Variants in IL10RB observed in about 807,000 individuals in gnomAD.
IL10RB encodes the protein interleukin-10 receptor subunit beta.
IL10RB carries 30 observed loss-of-function variants against 38.7 expected under a neutral mutation model. That is an observed-to-expected ratio of 0.78 (90% CI 0.58 to 1.05). The LOEUF (loss-of-function observed/expected upper bound fraction) is 1.05. Ranked by LOEUF, IL10RB falls within the 50% of genes least tolerant of loss-of-function variation. IL10RB has a pLI of 0.00. For missense variants in IL10RB, 328 were observed against 397.1 expected, an observed-to-expected ratio of 0.83 and a Z score of 1.48; for synonymous variants, 142 against 145.9, an observed-to-expected ratio of 0.97 and a Z score of 0.19.
chr21:33,295,444 G>T (rs1034310287), intron 6 of IL10RB, among the ~76,000 whole-genome samples: 3 of 151,540 alleles, frequency 2.0e-5, no homozygotes, highest in Admixed American at 6.6e-5. Context: ...GGCTGAGACA[G>T]GTTGATCACC....
intron 6 of IL10RB, among the ~76,000 whole-genome samples, chr21:33,295,738 T>TAAA (rs1313039799): frequency 1.4e-5 from 2 of 142,316 alleles, no homozygotes; most frequent in East Asian, 4.2e-4. Context: ...AAAAATAAAA[T>TAAA]AAAAATAAAT....
At chr21:33,294,116 G>C in intron 6 of IL10RB, 3 of 466,144 alleles carry the variant, frequency 6.4e-6, no homozygotes, top group Non-Finnish European at 1.3e-5. Flanking sequence ...CTTGACCGTG[G>C]AGCCAGCCCC....
At chr21:33,277,949 A>G (rs1187006954) in intron 3 of IL10RB, among the ~76,000 whole-genome samples, 3 of 150,288 alleles carry the variant, frequency 2.0e-5, no homozygotes, top group African/African-American at 7.3e-5. Context: ...CTGGGATTAC[A>G]GACATGAACC....
exon 2 of IL10RB, chr21:33,309,082 C>G (rs1287092696): frequency 1.3e-5 from 2 of 152,244 alleles, no homozygotes; most frequent in African/African-American, 2.4e-5. Context: ...GTTGCCCTTG[C>G]ACGTTTGTGG....
At position 33,305,988 on chromosome 21, in the gene IL10RB, C is replaced by T. The variant is rs2082998097; in HGVS notation, c.130-2988C>T. On this transcript the variant is annotated intron_variant, in intron 1 of 1. Coordinates refer to the IL10RB transcript ENST00000609556. Reference sequence around the variant, plus strand: ...CTGGGATTACAGGCACCCAAGACCACACCCAGCTAATTTTTGTATTTTTAG... The same window carrying T: ...CTGGGATTACAGGCACCCAAGACCATACCCAGCTAATTTTTGTATTTTTAG... Among the ~76,000 whole-genome samples the T allele has an allele frequency of 2.0e-5, 3 of 152,090 alleles. No individual in the cohort carries two copies. The South Asian group carries it at 6.2e-4, about 32-fold the overall frequency.
At chr21:33,266,653 C>G in intron 1 of IL10RB, 139 bp downstream of exon 1, 1 of 832,750 alleles carries the variant, frequency 1.2e-6, no homozygotes, top group Non-Finnish European at 1.9e-6. Context: ...AACGCCACGG[C>G]CGGCTGCTGA....
chr21:33,298,336 G>A (rs562842854), downstream of IL10RB, among the ~76,000 whole-genome samples: 4 of 152,178 alleles, frequency 2.6e-5, no homozygotes, highest in African/African-American at 7.2e-5. Context: ...AAATTTGGCC[G>A]GGTGTGGTGG....
downstream of IL10RB, chr21:33,297,300 C>T (rs927252636): frequency 2.6e-5 from 4 of 152,186 alleles, no homozygotes; most frequent in African/African-American, 9.7e-5. Flanking sequence ...TCCACTCATT[C>T]CACAAGTACT....
intron 5 of IL10RB, among the ~76,000 whole-genome samples, chr21:33,284,296 C>CAAAA (rs59098773): frequency 2.9e-5 from 2 of 69,176 alleles, no homozygotes; most frequent in East Asian, 4.3e-4. Context: ...GACCCTGCCT[C>CAAAA]AAAAAAAAAA....
intron 4 of IL10RB, among the ~76,000 whole-genome samples, chr21:33,281,039 T>C (rs1167735153): frequency 6.6e-6 from 1 of 152,208 alleles, no homozygotes; most frequent in Non-Finnish European, 1.5e-5. Flanking sequence ...GCAGATTCAG[T>C]GTCTGGTGAG....
In IL10RB at chr21:33,293,610, C is replaced by T. The variant is rs143737067; in HGVS notation, c.805-2574C>T. On this transcript the variant is annotated intron_variant, in intron 6 of 6. Transcript: ENST00000290200. ...CCAAGGCTGGCAGATCACTTGAGGT[C>T]TGAAGTTCGAGACCAGCCTGGCCAA... Among the ~76,000 whole-genome samples the T allele has an allele frequency of 3.4e-4, 52 of 152,318 alleles. No homozygotes were observed. The East Asian group carries it at 9.6e-3, about 28-fold the overall frequency.
At chr21:33,295,671 C>CA (rs549680649) in intron 6 of IL10RB, among the ~76,000 whole-genome samples, 18,732 of 109,406 alleles carry the variant, frequency 0.17, 1,794 homozygotes, top group East Asian at 0.24. Context: ...GACTCCATCT[C>CA]AAAAAAAAAA....
intron 1 of IL10RB, among the ~76,000 whole-genome samples, chr21:33,307,460 G>T (rs2083001557): frequency 6.6e-6 from 1 of 152,090 alleles, no homozygotes; most frequent in Non-Finnish European, 1.5e-5. Context: ...CCTTTGTCTT[G>T]CAGCTGCCCA....
chr21:33,306,314 G>T (rs187465206), intron 1 of IL10RB, among the ~76,000 whole-genome samples: 74 of 152,288 alleles, frequency 4.9e-4, no homozygotes, highest in African/African-American at 1.6e-3. Context: ...TTTATAAAAA[G>T]GTTTTTGGAG....
intron 2 of IL10RB, among the ~76,000 whole-genome samples, chr21:33,271,772 C>T (rs1568903540): frequency 6.6e-6 from 1 of 151,568 alleles, no homozygotes; most frequent in Non-Finnish European, 1.5e-5. Context: ...TGCAAAACAA[C>T]TTTTGAAATA....
At chr21:33,279,401 AC>A (rs1300606825) in intron 3 of IL10RB, among the ~76,000 whole-genome samples, 1 of 152,178 alleles carries the variant, frequency 6.6e-6, no homozygotes, top group Admixed American at 6.5e-5. Context: ...ATTCAAGCCA[AC>A]AAAAAGCAGG....
chr21:33,284,171 C>G (rs569015052), intron 5 of IL10RB, among the ~76,000 whole-genome samples: 1 of 151,932 alleles, frequency 6.6e-6, no homozygotes, highest in African/African-American at 2.4e-5. Flanking sequence ...TGGCGCACAC[C>G]TGTAATCCCA....
chr21:33,303,544 G>A (rs899656282), intron 1 of IL10RB, among the ~76,000 whole-genome samples: 3 of 151,958 alleles, frequency 2.0e-5, no homozygotes, highest in Admixed American at 6.6e-5. Context: ...TAGTAGAGAC[G>A]GGGTTTCACT....
intron 2 of IL10RB, among the ~76,000 whole-genome samples, chr21:33,273,959 T>A (rs1004814124): frequency 2.0e-5 from 3 of 152,206 alleles, no homozygotes; most frequent in Admixed American, 2.0e-4. Flanking sequence ...CACTGAAGTC[T>A]TGAACCCCTT....
Sources: gnomAD v4.1 joint callset for allele counts (sites outside exome capture counted in the v4.1 genomes callset) on GRCh38, gnomAD v4.1.1 for gene constraint, MANE v1.5 for transcripts, NCBI Gene and HGNC (gene_info 2026-07-23, HGNC 2026-07-21) for gene names.